Variants in TTC8 observed in about 807,000 individuals in gnomAD.
TTC8 encodes tetratricopeptide repeat domain 8.
Under a neutral mutation model 72.5 loss-of-function variants are expected in TTC8, and 47 were observed. The ratio of observed to expected loss-of-function variants is 0.65; its 90% confidence interval spans 0.51 to 0.83. The LOEUF (loss-of-function observed/expected upper bound fraction) is 0.83, where lower values mean the gene tolerates loss of function less well. TTC8 is among the 40% of genes least tolerant of loss of function. TTC8 has a pLI of 0.00. For missense variants in TTC8, 611 were observed against 623.2 expected (o/e 0.98, Z 0.21); for synonymous variants, 199 against 221.4 (o/e 0.90, Z 0.90).
chr14:88,857,370 G>A, intron 9 of TTC8, 93 bp downstream of exon 9: 1 of 1,108,716 alleles, frequency 9.0e-7, no homozygotes, highest in Non-Finnish European at 1.4e-6. Flanking sequence ...GCTTCTTCAG[G>A]AATATTTGGC....
At chr14:88,856,882 T>A (rs187173202) in intron 8 of TTC8, among the ~76,000 whole-genome samples, 15 of 152,326 alleles carry the variant, frequency 9.8e-5, no homozygotes, top group African/African-American at 3.1e-4. Context: ...TATGTCCAGC[T>A]GATCATAAGC....
intron 1 of TTC8, among the ~76,000 whole-genome samples, chr14:88,826,275 A>G (rs968666975): frequency 6.6e-6 from 1 of 151,772 alleles, no homozygotes. Context: ...GGCATGAGCC[A>G]CCGCGCCCAG....
intron 10 of TTC8, among the ~76,000 whole-genome samples, chr14:88,867,390 A>C (rs370705253): frequency 6.6e-6 from 1 of 152,220 alleles, no homozygotes; most frequent in East Asian, 1.9e-4. Context: ...TGATATGGAA[A>C]GAGTCAAGAC....
intron 1 of TTC8, 116 bp downstream of exon 1, chr14:88,824,937 T>A: frequency 9.7e-7 from 1 of 1,031,072 alleles, no homozygotes; most frequent in South Asian, 1.4e-5. Flanking sequence ...GGGCTGACCG[T>A]TCGGCCCTCG....
chr14:88,875,204 T>C (rs1322473157), intron 14 of TTC8, 95 bp downstream of exon 14: 1 of 1,053,118 alleles, frequency 9.5e-7, no homozygotes, highest in Non-Finnish European at 1.4e-6. Context: ...TCTAACCTCA[T>C]CTTCCTGAAA....
intron 3 of TTC8, 37 bp from the exon 4 acceptor site, chr14:88,840,828 A>G: frequency 6.3e-7 from 1 of 1,596,740 alleles, no homozygotes; most frequent in South Asian, 1.1e-5. Flanking sequence ...AGATTAATAG[A>G]TAATATATAA....
intron 1 of TTC8, chr14:88,830,881 C>T: frequency 2.2e-6 from 1 of 456,106 alleles, no homozygotes; most frequent in Non-Finnish European, 4.4e-6. Flanking sequence ...CATAGTCCTG[C>T]TCCTGATGGA....
At chr14:88,857,621 A>G (rs571961822) in intron 9 of TTC8, among the ~76,000 whole-genome samples, 1 of 152,242 alleles carries the variant, frequency 6.6e-6, no homozygotes, top group African/African-American at 2.4e-5. Flanking sequence ...GTAGTAGAGA[A>G]CAGGGACTGT....
In TTC8 at chr14:88,866,953, A is replaced by G. The variant is rs1428738238; in HGVS notation, c.910-3106A>G. On this transcript the variant is annotated intron_variant, in intron 10 of 14. Coordinates refer to ENST00000380656, the MANE Select transcript of TTC8 (RefSeq NM_144596.4). ...GAAAGAGAAATATAAATAATATCTG[A>G]TGTGTTAAATGCCTAACCTCTGTCA... Among the ~76,000 whole-genome samples the G allele has an allele frequency of 2.6e-5, 4 of 152,324 alleles. No homozygotes were observed. The South Asian group carries it at 6.2e-4, about 24-fold the overall frequency.
Position 88,861,266 on chromosome 14 carries a change from CA to C in TTC8, c.846del (p.Lys282AsnfsTer4), listed in dbSNP as rs774750365. Reference protein sequence around the residue: ...DQPVTALNLFKQGLDKFPGEV... With the variant: ...DQPVTALNLFXQGLDKFPGEV... The stretch of plus-strand genomic sequence containing the variant: ...AACCTGTGACTGCTTTAAATCTTTT[CA>C]AACAAGGCTTAGATAAGTTTCCAGG... On this transcript the variant is annotated frameshift_variant, in exon 10 of 15. Transcript: ENST00000380656. LOFTEE classifies it high-confidence loss of function. 1 of 1,612,862 alleles carries C rather than the reference CA, an allele frequency of 6.2e-7. No individual in the cohort carries two copies. The highest frequency in any genetic ancestry group is 2.2e-5 in the East Asian group (1 of 44,712).
intron 8 of TTC8, 24 bp from the exon 9 acceptor site, chr14:88,857,166 A>G (rs747799468): frequency 1.8e-5 from 29 of 1,605,072 alleles, no homozygotes; most frequent in East Asian, 2.2e-5. Flanking sequence ...TTGAATGTCT[A>G]ATTCTTAAAA....
chr14:88,851,882 G>A (rs2094835485), intron 7 of TTC8, among the ~76,000 whole-genome samples: 1 of 151,960 alleles, frequency 6.6e-6, no homozygotes, highest in African/African-American at 2.4e-5. Flanking sequence ...GAGAAGATGG[G>A]GAACACAAGG....
At chr14:88,857,426 A>G (rs2094861892) in intron 9 of TTC8, 149 bp downstream of exon 9, 4 of 723,818 alleles carry the variant, frequency 5.5e-6, no homozygotes, top group South Asian at 4.7e-5. Flanking sequence ...ACAGCAAGGG[A>G]AAAAATGAGA....
At chr14:88,861,412 T>G (rs2094885372) in intron 10 of TTC8, 80 bp downstream of exon 10, 1 of 1,006,988 alleles carries the variant, frequency 9.9e-7, no homozygotes, top group Non-Finnish European at 1.5e-6. Context: ...ATATTTTAAT[T>G]CCTGTATACA....
intron 1 of TTC8, among the ~76,000 whole-genome samples, chr14:88,825,683 C>CT (rs1160149642): frequency 1.3e-5 from 2 of 152,186 alleles, no homozygotes; most frequent in African/African-American, 4.8e-5. Flanking sequence ...AGTTCCCTAG[C>CT]TTTTCCTCTA....
chr14:88,826,273 C>T (rs1238787498), intron 1 of TTC8, among the ~76,000 whole-genome samples: 1 of 151,666 alleles, frequency 6.6e-6, no homozygotes, highest in Admixed American at 6.6e-5. Context: ...CAGGCATGAG[C>T]CACCGCGCCC....
intron 13 of TTC8, among the ~76,000 whole-genome samples, chr14:88,873,598 T>C (rs1488537453): frequency 6.6e-6 from 1 of 152,200 alleles, no homozygotes; most frequent in African/African-American, 2.4e-5. Context: ...GAATGGATGA[T>C]ACATAAAATA....
chr14:88,839,668 T>A (rs886199951), intron 3 of TTC8, 96 bp downstream of exon 3: 26 of 1,352,018 alleles, frequency 1.9e-5, no homozygotes, highest in Middle Eastern at 4.0e-4. Flanking sequence ...TTTCTACACT[T>A]TATATATATA....
intron 1 of TTC8, among the ~76,000 whole-genome samples, chr14:88,826,322 T>C (rs2094700346): frequency 6.6e-6 from 1 of 152,012 alleles, no homozygotes; most frequent in Admixed American, 6.6e-5. Context: ...ATCTTATAGA[T>C]ATTGCTTAAA....
Sources: gnomAD v4.1 joint callset for allele counts (sites outside exome capture counted in the v4.1 genomes callset) on GRCh38, gnomAD v4.1.1 for gene constraint, MANE v1.5 for transcripts, NCBI Gene and HGNC (gene_info 2026-07-23, HGNC 2026-07-21) for gene names.